Variants in MITF observed in about 807,000 individuals in gnomAD.
The protein encoded by MITF is melanocyte inducing transcription factor.
In MITF, 17 loss-of-function variants were observed where a neutral mutation model predicts 60.5. The observed-to-expected ratio is 0.28, with a 90% CI of 0.19 to 0.42. The LOEUF is 0.42. Among genes scored for constraint, MITF ranks in the 10% least tolerant of loss-of-function variants. The probability of loss-of-function intolerance (pLI) is 1.00; values close to 1 mark genes in which losing one functional copy is unlikely to be tolerated. For synonymous variants in MITF, 260 were observed against 248.5 expected, an observed-to-expected ratio of 1.05 and a Z score of -0.43; for missense variants, 622 against 683.5, an observed-to-expected ratio of 0.91 and a Z score of 1.00.
At chr3:69,846,133 GGC>G (rs2063727979) in intron 1 of MITF, among the ~76,000 whole-genome samples, 3 of 78,364 alleles carry the variant, frequency 3.8e-5, no homozygotes, top group Admixed American at 3.1e-4. Flanking sequence ...TGCTGCCTAG[GGC>G]TTTTTTTTTT....
At chr3:69,827,725 A>G (rs897535122) in intron 1 of MITF, among the ~76,000 whole-genome samples, 10 of 151,658 alleles carry the variant, frequency 6.6e-5, no homozygotes, top group South Asian at 4.2e-4. Context: ...TTCCCAATTT[A>G]TTTTCCCTTT....
At chr3:69,849,507 T>G (rs1468429186) in intron 1 of MITF, among the ~76,000 whole-genome samples, 2 of 152,228 alleles carry the variant, frequency 1.3e-5, no homozygotes, top group African/African-American at 4.8e-5. Context: ...CATTAATCTA[T>G]GCATTATTCC....
intron 1 of MITF, among the ~76,000 whole-genome samples, chr3:69,785,574 G>A (rs972898171): frequency 1.3e-4 from 20 of 152,210 alleles, no homozygotes; most frequent in Middle Eastern, 3.4e-3. Flanking sequence ...TTTTTGCTTT[G>A]CTTTTTCCTT....
intron 1 of MITF, among the ~76,000 whole-genome samples, chr3:69,767,601 A>C (rs1166216022): frequency 6.6e-6 from 1 of 152,024 alleles, no homozygotes; most frequent in Non-Finnish European, 1.5e-5. Flanking sequence ...AACAAAACAA[A>C]ACAACAAAAA....
intron 1 of MITF, among the ~76,000 whole-genome samples, chr3:69,839,069 G>A (rs538469206): frequency 6.6e-6 from 1 of 152,162 alleles, no homozygotes; most frequent in African/African-American, 2.4e-5. Context: ...ATGGAATAAT[G>A]GTTTCAACCT....
At chr3:69,936,400 G>A (rs187088699) in intron 2 of MITF, among the ~76,000 whole-genome samples, 25 of 152,130 alleles carry the variant, frequency 1.6e-4, no homozygotes, top group Non-Finnish European at 2.4e-4. Context: ...TTGATAGCTC[G>A]TCACTTAAAA....
At chr3:69,933,875 G>T (rs954711851) in intron 2 of MITF, among the ~76,000 whole-genome samples, 1 of 152,100 alleles carries the variant, frequency 6.6e-6, no homozygotes, top group Non-Finnish European at 1.5e-5. Flanking sequence ...ATTAATGAAA[G>T]CAAAGTTATT....
chr3:69,808,088 G>T (rs1200634775), intron 1 of MITF, among the ~76,000 whole-genome samples: 2 of 147,878 alleles, frequency 1.4e-5, no homozygotes, highest in Non-Finnish European at 3.0e-5. Context: ...TATATATACA[G>T]ATATAAAATA....
intron 2 of MITF, among the ~76,000 whole-genome samples, chr3:69,899,053 GGAAA>G (rs1359310456): frequency 2.6e-5 from 4 of 152,274 alleles, no homozygotes; most frequent in Admixed American, 6.5e-5. Flanking sequence ...TTGCTGTAAA[GGAAA>G]GAAAGAAAGT....
intron 9 of MITF, among the ~76,000 whole-genome samples, chr3:69,960,263 C>G (rs1367052361): frequency 6.6e-6 from 1 of 152,178 alleles, no homozygotes; most frequent in Non-Finnish European, 1.5e-5. Context: ...GACATAATTC[C>G]TGGAGATAGT....
chr3:69,855,716 C>G (rs1284358950), intron 1 of MITF, among the ~76,000 whole-genome samples: 1 of 151,838 alleles, frequency 6.6e-6, no homozygotes, highest in Non-Finnish European at 1.5e-5. Flanking sequence ...AGATAACAAC[C>G]AAAACAAAAA....
intron 5 of MITF, among the ~76,000 whole-genome samples, chr3:69,947,560 A>C (rs1322629432): frequency 6.6e-6 from 1 of 152,192 alleles, no homozygotes; most frequent in Non-Finnish European, 1.5e-5. Flanking sequence ...TTGAAATACC[A>C]TACAAGGGCA....
intron 9 of MITF, among the ~76,000 whole-genome samples, chr3:69,964,298 A>T (rs2066629594): frequency 6.6e-6 from 1 of 152,016 alleles, no homozygotes; most frequent in Non-Finnish European, 1.5e-5. Context: ...TTTTTAACTT[A>T]TCCTCAGTGT....
At chr3:69,805,485 G>T (rs145326887) in intron 1 of MITF, among the ~76,000 whole-genome samples, 1 of 151,956 alleles carries the variant, frequency 6.6e-6, no homozygotes, top group East Asian at 1.9e-4. Context: ...CAGTGATTAA[G>T]AACATTTGTT....
chr3:69,933,530 A>T (rs866199911), intron 2 of MITF, among the ~76,000 whole-genome samples: 1 of 152,316 alleles, frequency 6.6e-6, no homozygotes, highest in Non-Finnish European at 1.5e-5. Flanking sequence ...GAATGAAGAA[A>T]GGAAACAGGT....
chr3:69,867,544 G>GT (rs1351777991), intron 1 of MITF, among the ~76,000 whole-genome samples: 3 of 151,836 alleles, frequency 2.0e-5, no homozygotes, highest in Non-Finnish European at 4.4e-5. Flanking sequence ...TCTATAAAAT[G>GT]TTAGAGCATT....
In MITF at chr3:69,967,662, A is replaced by T. The variant is rs2066722134; in HGVS notation, c.*2414A>T. The T allele has an allele frequency of 4.3e-6, 1 of 233,028 alleles. No individual in the cohort carries two copies. The highest frequency in any genetic ancestry group is 5.6e-5 in the Admixed American group (1 of 17,756). The allele number at this position is 233,028 out of a possible 1,614,324, so 14.4% of individuals were successfully genotyped here. On this transcript the variant is annotated 3_prime_UTR_variant, in exon 10 of 10. Coordinates refer to ENST00000352241, the MANE Select transcript of MITF (RefSeq NM_001354604.2). ...CTTCTCCTTAAGAGACAATTTCTGC[A>T]GGTGGCAGGTGAGCAAGCCCAGGAG...
chr3:69,854,734 G>T (rs541380950), intron 1 of MITF, among the ~76,000 whole-genome samples: 8 of 152,266 alleles, frequency 5.3e-5, no homozygotes, highest in African/African-American at 1.4e-4. Context: ...ACTGTGCATT[G>T]TAGGATGTTT....
chr3:69,942,659 C>T (rs1401892473), intron 5 of MITF, among the ~76,000 whole-genome samples: 1 of 152,060 alleles, frequency 6.6e-6, no homozygotes, highest in African/African-American at 2.4e-5. Flanking sequence ...AGTTTCCATG[C>T]CATACTCTCC....
Sources: allele counts gnomAD v4.1 joint callset (sites outside exome capture counted in the v4.1 genomes callset), GRCh38; gene constraint gnomAD v4.1.1; transcripts MANE v1.5; gene names NCBI Gene and HGNC (gene_info 2026-07-23, HGNC 2026-07-21).